Variants in CCDC27 observed in about 807,000 individuals in gnomAD.
The protein encoded by CCDC27 is coiled-coil domain containing 27, also known as coiled-coil domain-containing protein 27.
A neutral mutation model predicts 80.3 loss-of-function variants in CCDC27; 80 were observed. That is an observed-to-expected ratio of 1.00 (90% CI 0.83 to 1.20). The LOEUF (loss-of-function observed/expected upper bound fraction) is 1.20. CCDC27 is among the 50% of genes most tolerant of loss of function. CCDC27 has a pLI of 0.00. For missense variants in CCDC27, 815 were observed against 809.4 expected (o/e 1.01, Z -0.08); for synonymous variants, 342 against 334.3 (o/e 1.02, Z -0.25).
At chr1:3,765,554 T>G (rs542237463) in intron 8 of CCDC27, among the ~76,000 whole-genome samples, 1 of 152,354 alleles carries the variant, frequency 6.6e-6, no homozygotes, top group Admixed American at 6.5e-5. Context: ...CTCTTTTCAT[T>G]TTGTTATAAT....
At chr1:3,767,026 AGACAG>A (rs1190094288) in intron 9 of CCDC27, among the ~76,000 whole-genome samples, 5 of 151,978 alleles carry the variant, frequency 3.3e-5, no homozygotes, top group African/African-American at 7.3e-5. Context: ...TTTTTAGTAG[AGACAG>A]GGTTTCACCA....
At chr1:3,762,748 G>C (rs750301491) in intron 6 of CCDC27, 36 bp downstream of exon 6, 55 of 1,531,568 alleles carry the variant, frequency 3.6e-5, no homozygotes, top group Non-Finnish European at 4.7e-5. Flanking sequence ...CGCAGTGGGG[G>C]ACCCGGGCCC....
intron 6 of CCDC27, 29 bp downstream of exon 6, chr1:3,762,741 A>C: frequency 6.5e-7 from 1 of 1,541,352 alleles, no homozygotes; most frequent in Non-Finnish European, 8.8e-7. Context: ...GCAGGCACGC[A>C]GTGGGGGACC....
At position 3,760,042 on chromosome 1, in the gene CCDC27, C is replaced by CA. The variant is rs1212896143; in HGVS notation, c.712-1237dup. ...TAGATAAACTCTTCTCATTTGGTGGCAAGAGAGCCACCTGCAGCAACAAGT... is the reference window on the plus strand; with the variant it reads ...TAGATAAACTCTTCTCATTTGGTGGCAAAGAGAGCCACCTGCAGCAACAAGT... On this transcript the variant is annotated intron_variant, in intron 4 of 11. Coordinates refer to ENST00000294600, the MANE Select transcript of CCDC27 (RefSeq NM_152492.3). This position sits in a 1 kb window ranked among gnomAD's most constrained non-coding sequence, Gnocchi z 4.3. 6.6e-6 allele frequency among the ~76,000 whole-genome samples: 1 copy of CA among 152,152 alleles called. No homozygotes were observed. The highest frequency in any genetic ancestry group is 2.4e-5 in the African/African-American group (1 of 41,422).
At position 3,766,788 on chromosome 1, in the gene CCDC27, A is replaced by G. The variant is rs538147081; in HGVS notation, c.1530+176A>G. Among the ~76,000 whole-genome samples the G allele has an allele frequency of 1.3e-5, 2 of 149,856 alleles. No individual in the cohort carries two copies. The highest frequency in any genetic ancestry group is 4.3e-4 in the South Asian group (2 of 4,634). ...ACGTCCACACAGAAGGCTCCTCGCA[A>G]TTGCTGGGTCCAGACTGGACTGGAG... On this transcript the variant is annotated intron_variant, in intron 9 of 11. Transcript: ENST00000294600. The surrounding 1 kb of genome is among the most constrained non-coding windows in gnomAD (Gnocchi z 6.1).
At chr1:3,762,911 G>A in intron 6 of CCDC27, 197 bp from the exon 7 acceptor site, 13 of 796,786 alleles carry the variant, frequency 1.6e-5, no homozygotes, top group Non-Finnish European at 1.9e-5. Context: ...TACTGACAGA[G>A]GGAGGACCCG....
Position 3,762,678 on chromosome 1 carries a change from C to G in CCDC27, c.920C>G (p.Ser307Cys). Residue 307 changes from serine to cysteine, a missense_variant, in exon 6 of 12, where the codon TCC becomes TGC. Transcript: ENST00000294600. The part of the protein sequence containing the change: ...LGRLSLLKAF[S>C]RHEEELQHWW... ...AGGCTGAGCCTCCTGAAGGCCTTCT[C>G]CAGACATGAGGAGGAGCTGCAGCAC... The G allele has an allele frequency of 1.9e-6, 3 of 1,549,812 alleles. No individual in the cohort carries two copies. The highest frequency in any genetic ancestry group is 2.6e-6 in the Non-Finnish European group (3 of 1,146,770).
chr1:3,768,647 C>T lies in CCDC27; in HGVS notation c.1744-1136C>T, dbSNP rs959340882. Among the ~76,000 whole-genome samples the T allele has an allele frequency of 6.6e-6, 1 of 152,134 alleles. No homozygotes were observed. The highest frequency in any genetic ancestry group is 2.4e-5 in the African/African-American group (1 of 41,432). On this transcript the variant is annotated intron_variant, in intron 10 of 11. Transcript: ENST00000294600. This position sits in a 1 kb window ranked among gnomAD's most constrained non-coding sequence, Gnocchi z 5.6. ...GGCGGTCTAGGTGTGTCCATTTGTG[C>T]GCCAGCCTGCACTGACCTGGTGGAG...
At chr1:3,758,205 T>TAA (rs1643005870) in intron 4 of CCDC27, among the ~76,000 whole-genome samples, 2 of 152,200 alleles carry the variant, frequency 1.3e-5, no homozygotes, top group Non-Finnish European at 2.9e-5. Flanking sequence ...ATTTATTTAT[T>TAA]TTTGAGACAG....
At chr1:3,762,734 G>A (rs1296834111) in intron 6 of CCDC27, 22 bp downstream of exon 6, 4 of 1,544,954 alleles carry the variant, frequency 2.6e-6, no homozygotes, top group Non-Finnish European at 3.5e-6. Flanking sequence ...CTGGAGAGCA[G>A]GCACGCAGTG....
At position 3,766,639 on chromosome 1, in the gene CCDC27, T is replaced by C; in HGVS notation, c.1530+27T>C. The C allele has an allele frequency of 6.3e-7, 1 of 1,579,940 alleles. No homozygotes were observed. The highest frequency in any genetic ancestry group is 1.1e-5 in the South Asian group (1 of 90,000). On this transcript the variant is annotated intron_variant, in intron 9 of 11. Transcript: ENST00000294600. This position sits in a 1 kb window ranked among gnomAD's most constrained non-coding sequence, Gnocchi z 6.1. ...TGACAGCCTGGGTGTCGTTAAATGA[T>C]CAGCCAGGCCACTGTTCTTACTGTA...
intron 10 of CCDC27, 28 bp downstream of exon 10, chr1:3,767,473 C>A: frequency 1.3e-6 from 2 of 1,583,070 alleles, no homozygotes; most frequent in South Asian, 2.3e-5. Flanking sequence ...TCCTGAGGGT[C>A]TGTCCCAGCA....
Position 3,755,537 on chromosome 1 carries a change from G to A in CCDC27, c.523G>A (p.Ala175Thr), listed in dbSNP as rs768872260. Residue 175 changes from alanine (A) to threonine (T), a missense_variant, in exon 3 of 12, where the codon GCC (alanine) becomes ACC (threonine). Transcript: ENST00000294600. ...TWRGTQDLFL[A>T]RRGSDTNVDG... ...GAGAGGCACCCAGGACCTGTTCTTG[G>A]CCAGGCGGGGCTCAGACACGAACGT... 2.0e-5 allele frequency: 32 copies of A among 1,614,048 alleles called. No homozygotes were observed. The highest frequency in any genetic ancestry group is 2.6e-5 in the Non-Finnish European group (31 of 1,180,006).
At chr1:3,754,933 A>G (rs552602853) in intron 2 of CCDC27, among the ~76,000 whole-genome samples, 1 of 152,212 alleles carries the variant, frequency 6.6e-6, no homozygotes, top group Admixed American at 6.5e-5. Context: ...TCTAGGCTTC[A>G]GGCCCCCACT....
At position 3,763,401 on chromosome 1, in the gene CCDC27, G is replaced by A. The variant is rs1643143098; in HGVS notation, c.1248G>A (p.Glu416=). 1 of 1,612,804 alleles carries A rather than the reference G, an allele frequency of 6.2e-7. No individual in the cohort carries two copies. The change falls in exon 7 of 12, where the codon GAG becomes GAA. Residue 416 remains glutamate (E), a synonymous_variant. Coordinates refer to ENST00000294600, the MANE Select transcript of CCDC27 (RefSeq NM_152492.3). The surrounding 1 kb of genome is among the most constrained non-coding windows in gnomAD (Gnocchi z 7.5). The part of the protein sequence containing the change: ...SFEEELLAQL[E]EYEQVILDFQ... ...AGGAGGAGCTGCTGGCCCAGCTGGA[G>A]GAGTACGAGCAGGTCATCCTGGACT...
chr1:3,763,708 G>A lies in CCDC27; in HGVS notation c.1324G>A (p.Val442Met), dbSNP rs147429337. The part of the protein sequence containing the change: ...TRTRYSLATG[V>M]IASLQQQVDF... ...ACCGCCTCTGCCTCTGTGCCCAGGA[G>A]TGATTGCGTCTTTACAACAACAAGT... Residue 442 changes from valine to methionine, a missense_variant and splice_region_variant, in exon 8 of 12, where the codon GTG becomes ATG. Coordinates refer to ENST00000294600, the MANE Select transcript of CCDC27 (RefSeq NM_152492.3). The surrounding 1 kb of genome is among the most constrained non-coding windows in gnomAD (Gnocchi z 7.5). 1.5e-5 allele frequency: 25 copies of A among 1,614,116 alleles called. No individual in the cohort carries two copies. The highest frequency in any genetic ancestry group is 2.1e-5 in the Non-Finnish European group (25 of 1,179,980).
intron 11 of CCDC27, among the ~76,000 whole-genome samples, chr1:3,770,723 G>A (rs1372821488): frequency 2.6e-5 from 4 of 152,180 alleles, no homozygotes; most frequent in Non-Finnish European, 5.9e-5. Flanking sequence ...AGAGTGGGGG[G>A]CCCTGGACAG....
rs1157784915 is a variant in CCDC27, at chr1:3,761,487, G to T, written c.861+57G>T. ...GCTCTAAGACGGTTGTTTTCAAAGC[G>T]TCCAAAGCTGCTAGTGACACACAGG... On this transcript the variant is annotated intron_variant, in intron 5 of 11. Coordinates refer to ENST00000294600, the MANE Select transcript of CCDC27 (RefSeq NM_152492.3). The surrounding 1 kb of genome is among the most constrained non-coding windows in gnomAD (Gnocchi z 5.0). The T allele has an allele frequency of 1.3e-6, 2 of 1,572,650 alleles. No homozygotes were observed. The highest frequency in any genetic ancestry group is 1.7e-6 in the Non-Finnish European group (2 of 1,158,602).
In CCDC27 at chr1:3,766,919, C is replaced by T. The variant is rs1262354059; in HGVS notation, c.1530+307C>T. On this transcript the variant is annotated intron_variant, in intron 9 of 11. Coordinates refer to ENST00000294600, the MANE Select transcript of CCDC27 (RefSeq NM_152492.3). The surrounding 1 kb of genome is among the most constrained non-coding windows in gnomAD (Gnocchi z 6.1). ...GCAGTGGTGTGATCTCAGCTCACTG[C>T]AACCTCCGCCTCCTGGGTTCAAGTG... Among the ~76,000 whole-genome samples the T allele has an allele frequency of 6.7e-6, 1 of 148,308 alleles. No homozygotes were observed. Among genetic ancestry groups the T allele is most frequent in the African/African-American group, 2.5e-5 (1 of 39,754 alleles).
Sources: gnomAD v4.1 joint callset for allele counts (sites outside exome capture counted in the v4.1 genomes callset) on GRCh38, gnomAD v4.1.1 for gene constraint, Gnocchi (gnomAD v3.1) non-coding constraint, MANE v1.5 for transcripts, NCBI Gene and HGNC (gene_info 2026-07-23, HGNC 2026-07-21) for gene names.